MSH6: variants seen among roughly 807,000 people sequenced by gnomAD.
MSH6 encodes the protein mutS homolog 6.
MSH6 carries 85 observed loss-of-function variants against 119.1 expected under a neutral mutation model. That is an observed-to-expected ratio of 0.71 (90% CI 0.60 to 0.85). The LOEUF (loss-of-function observed/expected upper bound fraction) is 0.85, where lower values mean the gene tolerates loss of function less well. Ranked by LOEUF, MSH6 falls within the 40% of genes least tolerant of loss-of-function variation. MSH6 has a pLI of 0.00. For synonymous variants in MSH6, 830 were observed against 586.9 expected (o/e 1.41, Z -5.99); for missense variants, 2,163 against 1,655.3 (o/e 1.31, Z -5.32).
rs753276270 is a variant in MSH6 at position 47,799,592 on chromosome 2, A to G, written c.1609A>G (p.Lys537Glu). Reference protein sequence around the residue: ...LEGDPSENYSKYLLSLKEKEE... With the variant: ...LEGDPSENYSEYLLSLKEKEE... ...AGGTGATCCCTCTGAGAACTACAGT[A>G]AGTATCTTCTTAGCCTCAAAGAAAA... Residue 537 changes from lysine (K) to glutamate (E), a missense_variant, in exon 4 of 10, where the codon AAG becomes GAG. Physicochemically the swap from Lys to Glu is moderately conservative, Grantham distance 56 (BLOSUM62 1). Coordinates refer to ENST00000234420, the MANE Select transcript of MSH6 (RefSeq NM_000179.3). 15 of 1,614,096 alleles carry G rather than the reference A, an allele frequency of 9.3e-6. No homozygotes were observed. Among genetic ancestry groups the G allele is most frequent in the Non-Finnish European group, 1.0e-5 (12 of 1,180,046 alleles).
In MSH6 at chr2:47,798,963, C is replaced by A. The variant is rs369568820; in HGVS notation, c.980C>A (p.Thr327Asn). The change falls in exon 4 of 10, where the codon ACT becomes AAT. Residue 327 changes from threonine (T) to asparagine (N), a missense_variant. Physicochemically the swap from Thr to Asn is moderately conservative, Grantham distance 65. Coordinates refer to ENST00000234420, the MANE Select transcript of MSH6 (RefSeq NM_000179.3). ...KETPSATKQA[T>N]SISSETKNTL... ...ACGCCCTCAGCCACCAAACAAGCAACTAGCATTTCATCAGAAACCAAGAAT... is the reference window on the plus strand; with the variant it reads ...ACGCCCTCAGCCACCAAACAAGCAAATAGCATTTCATCAGAAACCAAGAAT... 6.2e-7 allele frequency: 1 copy of A among 1,614,216 alleles called. No homozygotes were observed. Among genetic ancestry groups the A allele is most frequent in the Non-Finnish European group, 8.5e-7 (1 of 1,180,038 alleles).
At position 47,798,636 on chromosome 2, in the gene MSH6, A is replaced by G. The variant is rs1424687439; in HGVS notation, c.653A>G (p.Lys218Arg). 1.2e-6 allele frequency: 2 copies of G among 1,612,076 alleles called. No homozygotes were observed. ...GTAGGCACAACTTACGTAACAGATA[A>G]GAGTGAAGAAGATAATGAAATTGAG... ...MEVGTTYVTD[K>R]SEEDNEIESE... The change falls in exon 4 of 10, where the codon AAG becomes AGG. Residue 218 changes from lysine (K) to arginine (R), a missense_variant. By Grantham distance (26) the Lys-to-Arg change is conservative (BLOSUM62 2). Coordinates refer to ENST00000234420, the MANE Select transcript of MSH6 (RefSeq NM_000179.3).
At chr2:47,803,275 A>T in intron 4 of MSH6, 145 bp from the exon 5 acceptor site, 2 of 1,124,092 alleles carry the variant, frequency 1.8e-6, no homozygotes, top group South Asian at 2.7e-5. Context: ...TTAGAGGGTA[A>T]GTATTTTGAT....
In MSH6 at chr2:47,806,677, A is replaced by G. The variant is rs573854802; in HGVS notation, c.4001+26A>G. 98 of 1,597,002 alleles carry G rather than the reference A, an allele frequency of 6.1e-5. No individual in the cohort carries two copies. In the South Asian group the frequency reaches 9.5e-4, roughly 15 times the overall value. ...GTAACTAACTAACTATAATGGAATT[A>G]TAACTAACTGACCTTAAGTTTCAAA... On this transcript the variant is annotated intron_variant, in intron 9 of 9. Transcript: ENST00000234420.
Position 47,806,345 on chromosome 2 carries a change from G to A in MSH6, c.3788G>A (p.Arg1263His), listed in dbSNP as rs147852216. ...VEDYSQNVAV[R>H]LGHMACMVEN... ...GATTATTCTCAAAATGTTGCTGTGC[G>A]CCTAGGACATATGGTATGTGCAAAT... Residue 1263 changes from arginine to histidine, a missense_variant, in exon 8 of 10, where the codon CGC becomes CAC. Physicochemically the swap from Arg to His is conservative, Grantham distance 29 (BLOSUM62 0). Transcript: ENST00000234420. 7.5e-5 allele frequency: 121 copies of A among 1,614,060 alleles called. No individual in the cohort carries two copies. In the South Asian group the frequency reaches 7.6e-4, roughly 10 times the overall value.
rs1669747095 is a variant in MSH6 at position 47,803,507 on chromosome 2, CCT to C, written c.3261_3262del (p.Phe1088LeufsTer4). The C allele has an allele frequency of 6.2e-7, 1 of 1,614,146 alleles. No homozygotes were observed. Among genetic ancestry groups the C allele is most frequent in the South Asian group, 1.1e-5 (1 of 91,080 alleles). ...ATTCTGTTGCCGGAAGATACCCCCC[CCT>C]TCTTAGAGCTTAAAGGATCACGCCA... On this transcript the variant is annotated frameshift_variant, in exon 5 of 10. Coordinates refer to ENST00000234420, the MANE Select transcript of MSH6 (RefSeq NM_000179.3). LOFTEE classifies it high-confidence loss of function.
chr2:47,803,194 A>C (rs1161063907), intron 4 of MSH6, among the ~76,000 whole-genome samples: 1 of 152,216 alleles, frequency 6.6e-6, no homozygotes, highest in Non-Finnish European at 1.5e-5. Flanking sequence ...CTGGGATTAC[A>C]GGCGTGAGCC....
intron 5 of MSH6, among the ~76,000 whole-genome samples, 190 bp downstream of exon 5, chr2:47,803,875 A>G (rs1221253623): frequency 6.6e-6 from 1 of 152,230 alleles, no homozygotes; most frequent in Non-Finnish European, 1.5e-5. Context: ...GCTTAATGTT[A>G]AGGGGAATAT....
At chr2:47,783,799 A>C in intron 1 of MSH6, 1 of 484,994 alleles carries the variant, frequency 2.1e-6, no homozygotes, top group Non-Finnish European at 2.7e-6. Context: ...TGGGCTAAGG[A>C]AGGGGCGACG....
chr2:47,806,710 TAA>T (rs1402726017), intron 9 of MSH6, 59 bp downstream of exon 9: 2 of 1,574,124 alleles, frequency 1.3e-6, no homozygotes, highest in Non-Finnish European at 1.7e-6. Flanking sequence ...AAAGAAACAG[TAA>T]AAGGGGAAGG....
chr2:47,788,938 T>G (rs1668557192), intron 1 of MSH6, among the ~76,000 whole-genome samples: 4 of 104,944 alleles, frequency 3.8e-5, no homozygotes, highest in African/African-American at 7.8e-5. Context: ...TTTTTTTTTT[T>G]TTTTTTTTTG....
rs1572723164 is a variant in MSH6, at chr2:47,799,468, A to G, written c.1485A>G (p.Arg495=). ...QTETPEMMEA[R]CRKMAHISKY... Reference sequence around the variant, plus strand: ...AGACTCCAGAAATGATGGAGGCACGATGTAGAAAGATGGCACATATATCCA... The same window carrying G: ...AGACTCCAGAAATGATGGAGGCACGGTGTAGAAAGATGGCACATATATCCA... The change falls in exon 4 of 10, where the codon CGA becomes CGG. Residue 495 remains arginine, a synonymous_variant. Transcript: ENST00000234420. The G allele has an allele frequency of 6.2e-7, 1 of 1,614,068 alleles. No homozygotes were observed. The highest frequency in any genetic ancestry group is 1.7e-5 in the Admixed American group (1 of 60,000).
At chr2:47,789,983 T>C (rs532294758) in intron 1 of MSH6, among the ~76,000 whole-genome samples, 1 of 152,158 alleles carries the variant, frequency 6.6e-6, no homozygotes, top group East Asian at 1.9e-4. Flanking sequence ...TCATACCTGG[T>C]CACTGTTTTT....
At chr2:47,803,161 G>A (rs767814162) in intron 4 of MSH6, among the ~76,000 whole-genome samples, 1 of 152,164 alleles carries the variant, frequency 6.6e-6, no homozygotes, top group Non-Finnish European at 1.5e-5. Context: ...CGTGAACTCT[G>A]CCCGCCTAGG....
At chr2:47,808,744 G>GA (rs139360606), downstream of MSH6, 2,607 of 311,872 alleles carry the variant, frequency 8.4e-3, 67 homozygotes, top group African/African-American at 0.052. Context: ...CAGTGACTGG[G>GA]ATATATCAAA....
At chr2:47,798,101 T>C (rs1292170545) in intron 3 of MSH6, 1 of 190,496 alleles carries the variant, frequency 5.2e-6, no homozygotes. Context: ...AGATTTTTTT[T>C]CCACCACGTT....
downstream of MSH6, chr2:47,807,853 G>A (rs889246281): frequency 5.9e-6 from 2 of 340,508 alleles, no homozygotes; most frequent in Non-Finnish European, 5.4e-6. Flanking sequence ...GTTGGTATCT[G>A]TACAAAATTG....
intron 8 of MSH6, 39 bp from the exon 9 acceptor site, chr2:47,806,413 T>C (rs1049614126): frequency 6.4e-7 from 1 of 1,574,766 alleles, no homozygotes; most frequent in Non-Finnish European, 8.8e-7. Flanking sequence ...GGCACTTCTC[T>C]TGCTAGCACA....
At chr2:47,807,227 CTA>C (rs889318891), downstream of MSH6, 2 of 243,808 alleles carry the variant, frequency 8.2e-6, no homozygotes, top group African/African-American at 2.2e-5. Flanking sequence ...CAAAAAAAAA[CTA>C]TGAACAGAGT....
Sources: allele counts gnomAD v4.1 joint callset (sites outside exome capture counted in the v4.1 genomes callset), GRCh38; gene constraint gnomAD v4.1.1; transcripts MANE v1.5; gene names NCBI Gene and HGNC (gene_info 2026-07-23, HGNC 2026-07-21).